HEMK2: variants seen among roughly 807,000 people sequenced by gnomAD.
The protein encoded by HEMK2 is methyltransferase HEMK2.
the HEMK2 span, among the ~76,000 whole-genome samples, chr21:28,828,408 A>C: frequency 6.6e-6 from 1 of 152,212 alleles, no homozygotes; most frequent in Non-Finnish European, 1.5e-5. Context: ...TTAATGCTTC[A>C]TGTGCCAACA....
chr21:28,743,552 GAA>G, the HEMK2 span, among the ~76,000 whole-genome samples: 2 of 151,770 alleles, frequency 1.3e-5, no homozygotes, highest in African/African-American at 4.8e-5. Context: ...ATGCAGAAAA[GAA>G]AAAAGAGAGT....
chr21:28,596,062 A>G, the HEMK2 span, among the ~76,000 whole-genome samples: 3 of 150,458 alleles, frequency 2.0e-5, no homozygotes. Context: ...ATTTTTTTTG[A>G]GATAGAGTCT....
the HEMK2 span, among the ~76,000 whole-genome samples, chr21:28,594,991 C>T: frequency 1.3e-5 from 2 of 152,146 alleles, no homozygotes; most frequent in Admixed American, 6.5e-5. Context: ...TTATATTATA[C>T]ACAATATATT....
chr21:28,835,551 C>A, the HEMK2 span, among the ~76,000 whole-genome samples: 1 of 152,106 alleles, frequency 6.6e-6, no homozygotes, highest in African/African-American at 2.4e-5. Context: ...ACCAGAAAAC[C>A]AACCCAGGTA....
chr21:28,586,317 T>G, the HEMK2 span, among the ~76,000 whole-genome samples: 1 of 152,248 alleles, frequency 6.6e-6, no homozygotes, highest in Non-Finnish European at 1.5e-5. Context: ...TCCATATCTG[T>G]CTTTTCAGGC....
At chr21:28,832,104 A>G in the HEMK2 span, among the ~76,000 whole-genome samples, 1 of 152,228 alleles carries the variant, frequency 6.6e-6, no homozygotes, top group South Asian at 2.1e-4. Context: ...GCAGTTTTTC[A>G]TCATAAACCC....
the HEMK2 span, among the ~76,000 whole-genome samples, chr21:28,721,347 T>C: frequency 1.3e-5 from 2 of 152,136 alleles, no homozygotes; most frequent in Admixed American, 6.5e-5. Context: ...ACTCCTGGGC[T>C]CAAGGTATCC....
the HEMK2 span, among the ~76,000 whole-genome samples, chr21:28,811,544 C>A: frequency 6.6e-6 from 1 of 152,090 alleles, no homozygotes; most frequent in Admixed American, 6.6e-5. Flanking sequence ...ATAATCTTAA[C>A]ATTCATATTT....
At chr21:28,818,901 T>G in the HEMK2 span, among the ~76,000 whole-genome samples, 1 of 152,204 alleles carries the variant, frequency 6.6e-6, no homozygotes, top group African/African-American at 2.4e-5. Flanking sequence ...GTGCCAGAAG[T>G]AACATAATTA....
the HEMK2 span, among the ~76,000 whole-genome samples, chr21:28,721,121 G>C: frequency 6.6e-6 from 1 of 152,014 alleles, no homozygotes; most frequent in Non-Finnish European, 1.5e-5. Flanking sequence ...AAAACTGCTT[G>C]TGAATATTTT....
At chr21:28,855,607 A>T in the HEMK2 span, among the ~76,000 whole-genome samples, 1 of 152,182 alleles carries the variant, frequency 6.6e-6, no homozygotes, top group Admixed American at 6.5e-5. Flanking sequence ...AAACCACACA[A>T]TCAGAAAACA....
chr21:28,738,825 C>A, the HEMK2 span, among the ~76,000 whole-genome samples: 2 of 152,218 alleles, frequency 1.3e-5, no homozygotes, highest in Non-Finnish European at 2.9e-5. Context: ...TCAACAGAGG[C>A]CAACTTCAGC....
chr21:28,744,744 C>G, the HEMK2 span, among the ~76,000 whole-genome samples: 1 of 152,148 alleles, frequency 6.6e-6, no homozygotes, highest in African/African-American at 2.4e-5. Flanking sequence ...AAATGCATTA[C>G]AGAGAGCTAT....
chr21:28,709,162 C>T, the HEMK2 span, among the ~76,000 whole-genome samples: 1 of 152,158 alleles, frequency 6.6e-6, no homozygotes, highest in Non-Finnish European at 1.5e-5. Context: ...ACCCAAAGGC[C>T]TTCATTGTCC....
chr21:28,873,891 C>G, the HEMK2 span: 1 of 152,192 alleles, frequency 6.6e-6, no homozygotes, highest in Non-Finnish European at 1.5e-5. Flanking sequence ...GTCATGGGAA[C>G]AGGAAGCAAA....
At chr21:28,879,668 G>A in the HEMK2 span, among the ~76,000 whole-genome samples, 2 of 152,174 alleles carry the variant, frequency 1.3e-5, no homozygotes, top group Admixed American at 1.3e-4. Flanking sequence ...TTTAGGGATA[G>A]ATATGTGTCA....
the HEMK2 span, among the ~76,000 whole-genome samples, chr21:28,667,759 T>C: frequency 0.068 from 10,373 of 152,226 alleles, 565 homozygotes; most frequent in East Asian, 0.14. Flanking sequence ...CTGAAATCCA[T>C]CTTCTCATTG....
chr21:28,675,181 T>C, the HEMK2 span, among the ~76,000 whole-genome samples: 22 of 152,216 alleles, frequency 1.4e-4, no homozygotes, highest in Admixed American at 6.5e-4. Context: ...TCATACAAGA[T>C]AGAACAAGTA....
the HEMK2 span, among the ~76,000 whole-genome samples, chr21:28,708,240 T>C: frequency 2.9e-4 from 44 of 152,192 alleles, no homozygotes; most frequent in Non-Finnish European, 5.3e-4. Flanking sequence ...AAAAAACTGT[T>C]CTACCATATG....
Sources: allele counts gnomAD v4.1 joint callset (sites outside exome capture counted in the v4.1 genomes callset), GRCh38; gene constraint gnomAD v4.1.1; transcripts MANE v1.5; gene names NCBI Gene and HGNC (gene_info 2026-07-23, HGNC 2026-07-21).